Variants in COL4A1 observed in about 807,000 individuals in gnomAD.
COL4A1 encodes the protein collagen alpha-1(IV) chain.
Under a neutral mutation model 216.6 loss-of-function variants are expected in COL4A1, and 40 were observed. That is an observed-to-expected ratio of 0.18 (90% CI 0.14 to 0.24). The LOEUF is 0.24. COL4A1 is among the 10% of genes least tolerant of loss of function. The probability of loss-of-function intolerance (pLI) is 1.00; values close to 1 mark genes in which losing one functional copy is unlikely to be tolerated. For synonymous variants in COL4A1, 839 were observed against 810.7 expected (o/e 1.03, Z -0.59); for missense variants, 1,628 against 2,196.8 (o/e 0.74, Z 5.18).
chr13:110,222,133 A>G (rs1403158097), intron 2 of COL4A1, among the ~76,000 whole-genome samples: 2 of 152,106 alleles, frequency 1.3e-5, no homozygotes, highest in Non-Finnish European at 2.9e-5. Flanking sequence ...GCAGCACCCC[A>G]GGGCCCTGGC....
chr13:110,249,147 A>G (rs1327506953), intron 1 of COL4A1, among the ~76,000 whole-genome samples: 2 of 152,094 alleles, frequency 1.3e-5, no homozygotes, highest in Admixed American at 6.5e-5. Flanking sequence ...GCATCTGTCT[A>G]TGGGGAAAAG....
chr13:110,199,485 G>A (rs668861), intron 20 of COL4A1, among the ~76,000 whole-genome samples: 79,794 of 151,586 alleles, frequency 0.53, 21,286 homozygotes, highest in East Asian at 0.82. Flanking sequence ...GCCCCGAGGG[G>A]CGGCCCCTGT....
chr13:110,162,523 G>C, intron 47 of COL4A1, 81 bp from the exon 48 acceptor site: 2 of 1,076,764 alleles, frequency 1.9e-6, no homozygotes, highest in East Asian at 2.4e-5. Flanking sequence ...TCTCCAAAGA[G>C]TTTTTAATAT....
chr13:110,215,233 G>C (rs1852990940), intron 2 of COL4A1, among the ~76,000 whole-genome samples: 1 of 152,056 alleles, frequency 6.6e-6, no homozygotes, highest in African/African-American at 2.4e-5. Context: ...ATGGGGTGAT[G>C]GTGGGCTTTA....
chr13:110,209,055 T>C (rs574664211), intron 11 of COL4A1, among the ~76,000 whole-genome samples, 165 bp from the exon 12 acceptor site: 52 of 152,364 alleles, frequency 3.4e-4, no homozygotes, highest in African/African-American at 1.3e-3. Flanking sequence ...CTGAATTCAA[T>C]GTCTATGAAA....
At chr13:110,262,011 G>A (rs1433466387) in intron 1 of COL4A1, among the ~76,000 whole-genome samples, 2 of 152,238 alleles carry the variant, frequency 1.3e-5, no homozygotes, top group African/African-American at 4.8e-5. Flanking sequence ...CCTATTTAAA[G>A]GGAATTTAGA....
At chr13:110,306,864 T>C (rs936060315) in intron 1 of COL4A1, 80 bp downstream of exon 1, 2 of 1,318,504 alleles carry the variant, frequency 1.5e-6, no homozygotes, top group Non-Finnish European at 2.0e-6. Context: ...GGCGGACGGG[T>C]CCAGGCGCGG....
chr13:110,194,544 G>C (rs1878790162), intron 22 of COL4A1, among the ~76,000 whole-genome samples: 1 of 152,186 alleles, frequency 6.6e-6, no homozygotes, highest in South Asian at 2.1e-4. Flanking sequence ...CGAGAGCCCA[G>C]AGTGAAGCTG....
intron 1 of COL4A1, among the ~76,000 whole-genome samples, chr13:110,249,595 C>T (rs992644281): frequency 1.3e-5 from 2 of 152,116 alleles, no homozygotes; most frequent in Non-Finnish European, 2.9e-5. Flanking sequence ...GTGAGGGCTA[C>T]TGACTAGAAG....
intron 47 of COL4A1, among the ~76,000 whole-genome samples, chr13:110,162,947 G>A (rs1236271562): frequency 6.6e-6 from 1 of 152,210 alleles, no homozygotes; most frequent in East Asian, 1.9e-4. Context: ...GCCTGCTTCT[G>A]TCCCCTCTCT....
chr13:110,186,280 T>G, intron 26 of COL4A1, 105 bp downstream of exon 26: 4 of 1,404,700 alleles, frequency 2.8e-6, no homozygotes, highest in East Asian at 2.3e-5. Context: ...AAGCCAAGTG[T>G]GCGCCCTGGC....
At chr13:110,263,186 A>T (rs1882896004) in intron 1 of COL4A1, among the ~76,000 whole-genome samples, 1 of 152,162 alleles carries the variant, frequency 6.6e-6, no homozygotes, top group Non-Finnish European at 1.5e-5. Flanking sequence ...ACCCCAGACC[A>T]AGGAGAGACA....
chr13:110,231,341 C>T (rs1881052519), intron 2 of COL4A1, among the ~76,000 whole-genome samples: 1 of 152,222 alleles, frequency 6.6e-6, no homozygotes, highest in Admixed American at 6.5e-5. Context: ...TTTCTCAAAG[C>T]ACCAACATTT....
At chr13:110,237,014 T>C (rs753661811) in intron 2 of COL4A1, among the ~76,000 whole-genome samples, 1 of 151,484 alleles carries the variant, frequency 6.6e-6, no homozygotes, top group Non-Finnish European at 1.5e-5. Context: ...TTGACTCCTG[T>C]AGAACAGGAA....
rs752388415 is a variant in COL4A1 at position 110,173,903 on chromosome 13, G to A, written c.3502C>T (p.Pro1168Ser). ...GGAATGGGGCGTTGGGCCATACCTG[G>A]TTCACCCTTCTCTCCTGCTGACCCC... is the stretch of plus-strand genomic sequence containing the variant. ...IPGSAGEKGE[P>S]GLPGRGFPGF... The change falls in exon 40 of 52, where the codon CCA becomes TCA. Residue 1168 changes from proline to serine, a missense_variant. This residue lies in a region of COL4A1 where 345 missense variants were observed against 476.9 expected (regional missense o/e 0.72). Transcript: ENST00000375820. The A allele has an allele frequency of 6.2e-7, 1 of 1,614,170 alleles. No homozygotes were observed. Among genetic ancestry groups the A allele is most frequent in the South Asian group, 1.1e-5 (1 of 91,080 alleles).
Position 110,163,528 on chromosome 13 carries a change from G to T in COL4A1, c.4184C>A (p.Pro1395Gln). Residue 1395 changes from proline (P) to glutamine (Q), a missense_variant, in exon 47 of 52, where the codon CCA (proline) becomes CAA (glutamine). Physicochemically the swap from Pro to Gln is moderately conservative, Grantham distance 76. Around this residue, in one of 8 missense-constraint regions of COL4A1, gnomAD observed 345 missense variants for 476.9 expected, o/e 0.72. Transcript: ENST00000375820. ...GGCACCGTCAAACCCAGGAATACCT[G>T]GAGGTCCAGGTATACCCACCAATCC... Reference protein sequence around the residue: ...VTGLVGIPGPPGIPGFDGAPG... With the variant: ...VTGLVGIPGPQGIPGFDGAPG... 6.2e-7 allele frequency: 1 copy of T among 1,614,092 alleles called. No individual in the cohort carries two copies. The highest frequency in any genetic ancestry group is 2.2e-5 in the East Asian group (1 of 44,882).
intron 1 of COL4A1, among the ~76,000 whole-genome samples, chr13:110,289,910 G>C (rs776081660): frequency 1.3e-5 from 2 of 152,188 alleles, no homozygotes; most frequent in African/African-American, 4.8e-5. Context: ...ATGAGGGTCA[G>C]CGCTTCACCC....
chr13:110,281,227 G>A (rs1341155696), intron 1 of COL4A1, among the ~76,000 whole-genome samples: 4 of 152,082 alleles, frequency 2.6e-5, no homozygotes, highest in Non-Finnish European at 5.9e-5. Context: ...GTGATGACAC[G>A]ACTCTGGGAA....
intron 2 of COL4A1, among the ~76,000 whole-genome samples, chr13:110,240,021 G>GA (rs1340934821): frequency 6.6e-6 from 1 of 151,894 alleles, no homozygotes; most frequent in African/African-American, 2.4e-5. Context: ...CTCAAGATGA[G>GA]AAAAAAATAG....
Sources: allele counts gnomAD v4.1 joint callset (sites outside exome capture counted in the v4.1 genomes callset), GRCh38; gene constraint gnomAD v4.1.1; regional missense constraint gnomAD v4.1.1; transcripts MANE v1.5; gene names NCBI Gene and HGNC (gene_info 2026-07-23, HGNC 2026-07-21).